The following CDH12 variants were observed in gnomAD, a reference collection of about 807,000 sequenced individuals.
CDH12 encodes cadherin 12.
Under a neutral mutation model 74.1 loss-of-function variants are expected in CDH12, and 41 were observed. That is an observed-to-expected ratio of 0.55 (90% CI 0.43 to 0.72). The LOEUF (loss-of-function observed/expected upper bound fraction) is 0.72. CDH12 is among the 30% of genes least tolerant of loss of function. The probability of loss-of-function intolerance (pLI) is 0.00; values close to 1 mark genes in which losing one functional copy is unlikely to be tolerated. For missense variants in CDH12, 945 were observed against 977.2 expected (o/e 0.97, Z 0.44); for synonymous variants, 399 against 355.0 (o/e 1.12, Z -1.39).
chr5:22,317,628 AT>A (rs1208173273), intron 3 of CDH12, among the ~76,000 whole-genome samples: 2 of 152,200 alleles, frequency 1.3e-5, no homozygotes, highest in African/African-American at 4.8e-5. Flanking sequence ...GGGGTATAAA[AT>A]GACAAGTTCT....
At chr5:22,069,947 T>C (rs917436221) in intron 5 of CDH12, among the ~76,000 whole-genome samples, 1 of 152,070 alleles carries the variant, frequency 6.6e-6, no homozygotes, top group African/African-American at 2.4e-5. Flanking sequence ...ACCAGCTGAG[T>C]TGCTTGCTGA....
intron 2 of CDH12, among the ~76,000 whole-genome samples, chr5:22,424,301 A>T (rs1374738497): frequency 1.3e-5 from 2 of 152,080 alleles, no homozygotes; most frequent in Admixed American, 1.3e-4. Context: ...TAATCAGAGG[A>T]TGTAAAAGCA....
intron 3 of CDH12, among the ~76,000 whole-genome samples, chr5:22,283,331 TATATATCAC>T (rs567741985): frequency 2.0e-5 from 3 of 149,866 alleles, no homozygotes; most frequent in African/African-American, 4.9e-5. Flanking sequence ...AGCATTTATG[TATATATCAC>T]ATATATCACA....
intron 4 of CDH12, among the ~76,000 whole-genome samples, chr5:22,095,914 A>G (rs537725830): frequency 1.4e-5 from 2 of 146,070 alleles, no homozygotes; most frequent in Non-Finnish European, 3.0e-5. Context: ...TCCGTGCCCC[A>G]ACCTCTTATC....
In CDH12 at chr5:22,650,763, C is replaced by T. The variant is rs139699530; in HGVS notation, c.-522-145399G>A. Among the ~76,000 whole-genome samples the T allele has an allele frequency of 3.3e-5, 5 of 152,002 alleles. No individual in the cohort carries two copies. The East Asian group carries it at 5.8e-4, about 18-fold the overall frequency. On this transcript the variant is annotated intron_variant, in intron 1 of 14. Coordinates refer to ENST00000382254, the MANE Select transcript of CDH12 (RefSeq NM_004061.5). Reference sequence around the variant, plus strand: ...CTGCATGCTACCCATCACAGGGACACGTGTACAACATCAATATCAGAAACT... The same window carrying T: ...CTGCATGCTACCCATCACAGGGACATGTGTACAACATCAATATCAGAAACT...
chr5:22,213,022 G>A (rs561952097), intron 3 of CDH12, among the ~76,000 whole-genome samples: 42 of 152,248 alleles, frequency 2.8e-4, no homozygotes, highest in African/African-American at 8.4e-4. Context: ...TTTTCAAGGT[G>A]CCTTCGTGTA....
intron 6 of CDH12, among the ~76,000 whole-genome samples, chr5:21,916,813 A>G (rs1754118728): frequency 6.6e-6 from 1 of 152,156 alleles, no homozygotes; most frequent in South Asian, 2.1e-4. Flanking sequence ...GAGATACCCC[A>G]CTAGGCATTT....
intron 6 of CDH12, among the ~76,000 whole-genome samples, chr5:21,971,347 TA>T (rs201149330): frequency 1.1e-4 from 16 of 151,946 alleles, no homozygotes; most frequent in South Asian, 1.0e-3. Flanking sequence ...GTTTTCACAT[TA>T]AAAAAAATCC....
At chr5:22,419,685 T>C (rs569187677) in intron 2 of CDH12, among the ~76,000 whole-genome samples, 4 of 152,298 alleles carry the variant, frequency 2.6e-5, no homozygotes, top group African/African-American at 9.6e-5. Flanking sequence ...ATTGCTGAGT[T>C]AAATGGTATT....
At chr5:22,197,153 T>C (rs1750665116) in intron 4 of CDH12, among the ~76,000 whole-genome samples, 3 of 151,936 alleles carry the variant, frequency 2.0e-5, no homozygotes, top group East Asian at 3.9e-4. Context: ...ACTTAAAGAA[T>C]GGAAAGAATA....
chr5:22,021,037 C>T (rs922154561), intron 5 of CDH12, among the ~76,000 whole-genome samples: 8 of 151,986 alleles, frequency 5.3e-5, no homozygotes, highest in Non-Finnish European at 1.0e-4. Context: ...ATGCTTGGGA[C>T]GAGAAGTGTT....
chr5:22,382,892 G>A (rs541801259), intron 3 of CDH12, among the ~76,000 whole-genome samples: 40 of 152,082 alleles, frequency 2.6e-4, no homozygotes, highest in South Asian at 1.7e-3. Flanking sequence ...GTGCAATGGC[G>A]CAATCTCAGC....
intron 3 of CDH12, among the ~76,000 whole-genome samples, chr5:22,391,453 T>C (rs972020151): frequency 6.6e-6 from 1 of 152,244 alleles, no homozygotes; most frequent in Non-Finnish European, 1.5e-5. Context: ...ACTAGCTTTT[T>C]TTAATGTTGA....
At chr5:22,603,861 G>T (rs1187221404) in intron 1 of CDH12, among the ~76,000 whole-genome samples, 1 of 152,190 alleles carries the variant, frequency 6.6e-6, no homozygotes. Context: ...AATGGAAAAA[G>T]AATTGAATTG....
At chr5:22,653,743 A>G (rs529907581) in intron 1 of CDH12, among the ~76,000 whole-genome samples, 3 of 152,296 alleles carry the variant, frequency 2.0e-5, no homozygotes, top group East Asian at 1.9e-4. Flanking sequence ...GCTTCCCATA[A>G]CATCCTCTGG....
intron 4 of CDH12, among the ~76,000 whole-genome samples, chr5:22,165,064 T>C (rs1748604086): frequency 1.3e-5 from 2 of 150,658 alleles, no homozygotes; most frequent in Non-Finnish European, 3.0e-5. Context: ...CGCATAACAA[T>C]GTCTCTGCTT....
At chr5:22,390,668 G>A (rs935422606) in intron 3 of CDH12, among the ~76,000 whole-genome samples, 7 of 151,986 alleles carry the variant, frequency 4.6e-5, no homozygotes, top group Non-Finnish European at 8.8e-5. Flanking sequence ...TAACAAAATC[G>A]CATCTCTAGG....
chr5:22,153,202 A>T, intron 4 of CDH12, among the ~76,000 whole-genome samples: 1 of 140,472 alleles, frequency 7.1e-6, no homozygotes. Flanking sequence ...TTTTTTTAGA[A>T]ACCTCCATAC....
chr5:21,759,417 A>G (rs1160798997), intron 13 of CDH12, among the ~76,000 whole-genome samples: 1 of 151,066 alleles, frequency 6.6e-6, no homozygotes, highest in Non-Finnish European at 1.5e-5. Flanking sequence ...CCCTCCCTCT[A>G]AATAAATAAA....
Sources: allele counts gnomAD v4.1 joint callset (sites outside exome capture counted in the v4.1 genomes callset), GRCh38; gene constraint gnomAD v4.1.1; transcripts MANE v1.5; gene names NCBI Gene and HGNC (gene_info 2026-07-23, HGNC 2026-07-21).